The following RASGRF1 variants were observed in gnomAD, a reference collection of about 807,000 sequenced individuals.
The protein encoded by RASGRF1 is ras-specific guanine nucleotide-releasing factor 1.
In RASGRF1, 40 loss-of-function variants were observed where a neutral mutation model predicts 138.7. That is an observed-to-expected ratio of 0.29 (90% confidence interval 0.22 to 0.38). The LOEUF (loss-of-function observed/expected upper bound fraction) is 0.38. Ranked by LOEUF, RASGRF1 falls within the 10% of genes least tolerant of loss-of-function variation. The probability of loss-of-function intolerance (pLI) is 1.00; values close to 1 mark genes in which losing one functional copy is unlikely to be tolerated. For synonymous variants in RASGRF1, 614 were observed against 663.2 expected, an observed-to-expected ratio of 0.93 and a Z score of 1.14; for missense variants, 1,108 against 1,650.4, an observed-to-expected ratio of 0.67 and a Z score of 5.69.
intron 13 of RASGRF1, among the ~76,000 whole-genome samples, chr15:79,007,311 C>T (rs2056698786): frequency 1.3e-5 from 2 of 152,182 alleles, no homozygotes; most frequent in South Asian, 4.1e-4. Flanking sequence ...ACACAGCGCC[C>T]TCTGGTGCTT....
At position 79,047,572 on chromosome 15, in the gene RASGRF1, T is replaced by C. The variant is rs540630847; in HGVS notation, c.625-573A>G. On this transcript the variant is annotated intron_variant, in intron 4 of 26. Coordinates refer to ENST00000558480, the MANE Select transcript of RASGRF1 (RefSeq NM_001145648.3). ...GAACATGGAAAATTAGTTAATCTCATACTTAGCCCTCATCAGCGGCTTCTG... is the reference window on the plus strand; with the variant it reads ...GAACATGGAAAATTAGTTAATCTCACACTTAGCCCTCATCAGCGGCTTCTG... Among the ~76,000 whole-genome samples the C allele has an allele frequency of 2.6e-5, 4 of 152,344 alleles. No individual in the cohort carries two copies. The East Asian group carries it at 7.7e-4, about 29-fold the overall frequency.
At chr15:79,020,197 A>T in intron 10 of RASGRF1, 93 bp from the exon 11 acceptor site, 3 of 1,200,446 alleles carry the variant, frequency 2.5e-6, no homozygotes, top group Non-Finnish European at 3.7e-6. Flanking sequence ...GACTTTAACA[A>T]GGAGCATCCA....
chr15:79,012,628 A>C, intron 13 of RASGRF1: 1 of 1,515,462 alleles, frequency 6.6e-7, no homozygotes. Flanking sequence ...CATTATTCAA[A>C]ATTTTGTTAT....
intron 6 of RASGRF1, among the ~76,000 whole-genome samples, chr15:79,033,157 G>A (rs2057165938): frequency 6.6e-6 from 1 of 152,134 alleles, no homozygotes; most frequent in African/African-American, 2.4e-5. Context: ...CCTTTCCAGT[G>A]CCCCCAAGTC....
At chr15:79,043,947 CTCTGGGTCCACCAGCCT>C (rs1186259114) in intron 5 of RASGRF1, among the ~76,000 whole-genome samples, 4 of 152,236 alleles carry the variant, frequency 2.6e-5, no homozygotes, top group Admixed American at 6.5e-5. Flanking sequence ...GAACTTTTGC[CTCTGGGTCCACCAGCCT>C]TCAGTTATCC....
intron 17 of RASGRF1, among the ~76,000 whole-genome samples, 166 bp downstream of exon 17, chr15:78,999,577 G>T (rs1052660717): frequency 6.6e-6 from 1 of 152,126 alleles, no homozygotes. Context: ...GTCAATTGAA[G>T]CAGGGAGCTC....
intron 24 of RASGRF1, among the ~76,000 whole-genome samples, chr15:78,976,180 G>A (rs1348545810): frequency 6.6e-6 from 1 of 152,026 alleles, no homozygotes; most frequent in African/African-American, 2.4e-5. Context: ...TGGTATTTAT[G>A]GGGAGTCATG....
At chr15:79,059,533 C>T (rs2057568599) in intron 2 of RASGRF1, among the ~76,000 whole-genome samples, 1 of 152,028 alleles carries the variant, frequency 6.6e-6, no homozygotes, top group Admixed American at 6.6e-5. Context: ...CACAAAAGAC[C>T]AATTATCTCA....
intron 24 of RASGRF1, among the ~76,000 whole-genome samples, chr15:78,978,215 C>CTTTTTTTTTTTTTTTTTTTT (rs2055915117): frequency 6.3e-5 from 5 of 79,342 alleles, no homozygotes; most frequent in African/African-American, 2.6e-4. Flanking sequence ...TTTTTCTTTT[C>CTTTTTTTTTTTTTTTTTTTT]TTTTGTTTTT....
intron 9 of RASGRF1, among the ~76,000 whole-genome samples, chr15:79,025,926 T>A (rs1469108951): frequency 4.9e-5 from 7 of 143,350 alleles, no homozygotes; most frequent in African/African-American, 7.8e-5. Context: ...TACTAAGATT[T>A]AAAAAAAAAA....
chr15:79,048,122 T>C (rs1381194929), intron 4 of RASGRF1, among the ~76,000 whole-genome samples: 1 of 152,144 alleles, frequency 6.6e-6, no homozygotes, highest in Admixed American at 6.5e-5. Flanking sequence ...AGGGGTGAGC[T>C]GGGAAGCTCA....
intron 2 of RASGRF1, among the ~76,000 whole-genome samples, chr15:79,059,222 TCCTTC>T (rs377302880): frequency 0.18 from 10,133 of 57,572 alleles, 1,340 homozygotes; most frequent in African/African-American, 0.28. Flanking sequence ...CCCTTCCCTA[TCCTTC>T]CCTTCCCTTC....
chr15:79,042,027 G>T (rs1368618263), intron 5 of RASGRF1, among the ~76,000 whole-genome samples: 2 of 152,210 alleles, frequency 1.3e-5, no homozygotes, highest in Non-Finnish European at 2.9e-5. Context: ...TGCACATGGT[G>T]CTGGGCATGG....
intron 13 of RASGRF1, among the ~76,000 whole-genome samples, chr15:79,013,789 G>A (rs2056836206): frequency 6.6e-6 from 1 of 152,190 alleles, no homozygotes. Flanking sequence ...AGGTGAGGGA[G>A]GCTGTATTAC....
chr15:79,040,021 A>G (rs146122266), intron 5 of RASGRF1, among the ~76,000 whole-genome samples: 111 of 152,274 alleles, frequency 7.3e-4, no homozygotes, highest in African/African-American at 2.5e-3. Context: ...TTCTGCCTCG[A>G]AAGTGCAGGG....
At chr15:79,061,413 AATAT>A (rs57956576) in intron 2 of RASGRF1, among the ~76,000 whole-genome samples, 5 of 117,060 alleles carry the variant, frequency 4.3e-5, no homozygotes, top group African/African-American at 1.0e-4. Context: ...CTATCTTTAA[AATAT>A]ATATATATAT....
chr15:79,032,581 G>C lies in RASGRF1; in HGVS notation c.959-265C>G, dbSNP rs2057157422. Reference sequence around the variant, plus strand: ...TGTCTAGTCGACACTTGTGATGGGAGTGTCAGAGAGAGGAGGTAGAGTGGG... The same window carrying C: ...TGTCTAGTCGACACTTGTGATGGGACTGTCAGAGAGAGGAGGTAGAGTGGG... On this transcript the variant is annotated intron_variant, in intron 6 of 26. Coordinates refer to ENST00000558480, the MANE Select transcript of RASGRF1 (RefSeq NM_001145648.3). This position sits in a 1 kb window ranked among gnomAD's most constrained non-coding sequence, Gnocchi z 4.5. Among the ~76,000 whole-genome samples, 1 of 152,202 alleles carries C rather than the reference G, an allele frequency of 6.6e-6. No homozygotes were observed. The highest frequency in any genetic ancestry group is 2.1e-4 in the South Asian group (1 of 4,826).
At chr15:78,990,029 T>A in intron 22 of RASGRF1, 160 bp downstream of exon 22, 1 of 663,808 alleles carries the variant, frequency 1.5e-6, no homozygotes, top group East Asian at 2.7e-5. Flanking sequence ...GAGACTGAGG[T>A]GAGGCAACCA....
intron 15 of RASGRF1, among the ~76,000 whole-genome samples, chr15:79,002,011 G>T (rs2056540384): frequency 6.6e-6 from 1 of 152,138 alleles, no homozygotes; most frequent in African/African-American, 2.4e-5. Context: ...TGCTCCACCA[G>T]GGCTTCTCAA....
Sources: gnomAD v4.1 joint callset for allele counts (sites outside exome capture counted in the v4.1 genomes callset) on GRCh38, gnomAD v4.1.1 for gene constraint, Gnocchi (gnomAD v3.1) non-coding constraint, MANE v1.5 for transcripts, NCBI Gene and HGNC (gene_info 2026-07-23, HGNC 2026-07-21) for gene names.